The following CKM variants were observed in gnomAD, a reference collection of about 807,000 sequenced individuals.
The protein encoded by CKM is creatine kinase M-type.
A neutral mutation model predicts 35.4 loss-of-function variants in CKM; 28 were observed. The observed-to-expected ratio is 0.79, with a 90% confidence interval of 0.59 to 1.08. The LOEUF is 1.08. CKM is among the 50% of genes least tolerant of loss of function. CKM has a pLI of 0.00. For missense variants in CKM, 484 were observed against 509.8 expected (o/e 0.95, Z 0.49); for synonymous variants, 215 against 204.4 (o/e 1.05, Z -0.44).
chr19:45,316,180 A>C (rs1971156220), intron 3 of CKM, among the ~76,000 whole-genome samples: 1 of 151,874 alleles, frequency 6.6e-6, no homozygotes, highest in South Asian at 2.1e-4. Context: ...AAATACAAAA[A>C]TTAGCTGGGC....
chr19:45,308,581 A>G (rs752484737), intron 5 of CKM, 49 bp from the exon 6 acceptor site: 6 of 1,609,540 alleles, frequency 3.7e-6, no homozygotes, highest in Non-Finnish European at 4.2e-6. Flanking sequence ...CCCCGTGGGA[A>G]CCCCATTCCC....
chr19:45,313,878 T>C (rs1971132463), intron 4 of CKM, among the ~76,000 whole-genome samples: 1 of 151,736 alleles, frequency 6.6e-6, no homozygotes, highest in African/African-American at 2.4e-5. Context: ...CTATTACTGC[T>C]GGCCAGGCAC....
In CKM at chr19:45,311,972, G is replaced by A. The variant is rs553535049; in HGVS notation, c.482-52C>T. ...AGCAGCCTGTCCCACCTCAACCAGG[G>A]TGTGGAGGCCCAGGGTTTCCCCTGC... On this transcript the variant is annotated intron_variant, in intron 4 of 7. Coordinates refer to ENST00000221476, the MANE Select transcript of CKM (RefSeq NM_001824.5). 3.6e-4 allele frequency: 575 copies of A among 1,603,576 alleles called. 10 individuals carry two copies. In the South Asian group the frequency reaches 5.9e-3, roughly 16 times the overall value.
At position 45,306,616 on chromosome 19, in the gene CKM, T is replaced by C; in HGVS notation, c.*134A>G. The C allele has an allele frequency of 3.4e-6, 3 of 882,450 alleles. No homozygotes were observed. The highest frequency in any genetic ancestry group is 3.8e-5 in the Admixed American group (2 of 51,990). 54.7% of individuals were successfully genotyped at this position (882,450 alleles called of 1,614,324 possible). A position where few individuals can be genotyped will look rare whatever the true frequency, so the allele number is the denominator to read the frequency against. ...GGAACTCTGGTTGAAACTGGAACTC[T>C]GAGAAGGGTGGAGAGAGCCCCCAGG... is the stretch of plus-strand genomic sequence containing the variant. On this transcript the variant is annotated 3_prime_UTR_variant, in exon 8 of 8. Transcript: ENST00000221476. The surrounding 1 kb of genome is among the most constrained non-coding windows in gnomAD (Gnocchi z 4.5).
At position 45,322,837 on chromosome 19, in the gene CKM, G is replaced by T; in HGVS notation, c.-35C>A. ...GTGCAGTACCTGGCTGGGCTGGGCT[G>T]AAGGGGGGCTGTCTGTATCCTGGAG... On this transcript the variant is annotated 5_prime_UTR_variant, in exon 1 of 8. Transcript: ENST00000221476. 2.0e-6 allele frequency: 2 copies of T among 986,136 alleles called. No individual in the cohort carries two copies. Among genetic ancestry groups the T allele is most frequent in the Non-Finnish European group, 2.4e-6 (2 of 830,530 alleles). The allele number at this position is 986,136 out of a possible 1,614,324, so 61.1% of individuals were successfully genotyped here. A position where few individuals can be genotyped will look rare whatever the true frequency, so the allele number is the denominator to read the frequency against.
chr19:45,321,517 C>T (rs1310866640), intron 1 of CKM, among the ~76,000 whole-genome samples: 2 of 152,128 alleles, frequency 1.3e-5, no homozygotes, highest in Non-Finnish European at 2.9e-5. Flanking sequence ...GAGCCTGCCC[C>T]GTAGGATTGC....
chr19:45,313,852 A>G (rs1323000269), intron 4 of CKM, among the ~76,000 whole-genome samples: 1 of 152,036 alleles, frequency 6.6e-6, no homozygotes, highest in African/African-American at 2.4e-5. Flanking sequence ...ATCTCAAAAA[A>G]GAGATTCTTT....
intron 5 of CKM, among the ~76,000 whole-genome samples, chr19:45,310,937 ATTTTTT>A (rs71173145): frequency 7.7e-6 from 1 of 129,810 alleles, no homozygotes; most frequent in Non-Finnish European, 1.6e-5. Context: ...CGCCGGGCTA[ATTTTTT>A]TTTTTTTTTT....
intron 2 of CKM, among the ~76,000 whole-genome samples, chr19:45,318,422 AAAAG>A (rs1971180099): frequency 6.6e-6 from 1 of 151,666 alleles, no homozygotes; most frequent in Non-Finnish European, 1.5e-5. Flanking sequence ...GAAAAAAAAA[AAAAG>A]AGAGAACACT....
At chr19:45,308,373 G>T in intron 6 of CKM, 36 bp downstream of exon 6, 2 of 1,613,692 alleles carry the variant, frequency 1.2e-6, no homozygotes, top group South Asian at 2.2e-5. Context: ...CGTTCAAGGT[G>T]GAGTCAGAAG....
chr19:45,307,726 G>T, intron 6 of CKM, 76 bp from the exon 7 acceptor site: 1 of 1,234,764 alleles, frequency 8.1e-7, no homozygotes, highest in Non-Finnish European at 1.2e-6. Context: ...GACAGGGTCC[G>T]GAGGGACAGG....
At position 45,315,342 on chromosome 19, in the gene CKM, C is replaced by T. The variant is rs1451706497; in HGVS notation, c.481+123G>A. 20 of 1,135,478 alleles carry T rather than the reference C, an allele frequency of 1.8e-5. No homozygotes were observed. The East Asian group carries it at 2.3e-4, about 13-fold the overall frequency. The allele number at this position is 1,135,478 out of a possible 1,614,324, so 70.3% of individuals were successfully genotyped here. A position where few individuals can be genotyped will look rare whatever the true frequency, so the allele number is the denominator to read the frequency against. On this transcript the variant is annotated intron_variant, in intron 4 of 7. Transcript: ENST00000221476. ...GCCCGCGCCATTCCCCAAGCCCCCACGATTTACCAAGCTCTTCCCCTACTT... is the reference window on the plus strand; with the variant it reads ...GCCCGCGCCATTCCCCAAGCCCCCATGATTTACCAAGCTCTTCCCCTACTT...
chr19:45,322,194 G>C (rs1971219427), intron 1 of CKM, among the ~76,000 whole-genome samples: 2 of 151,656 alleles, frequency 1.3e-5, no homozygotes, highest in Non-Finnish European at 2.9e-5. Context: ...CCCAGGAGAG[G>C]GCACTGAGGC....
chr19:45,319,633 G>A lies in CKM; in HGVS notation c.81C>T (p.Asn27=), dbSNP rs1471374770. ...GGGTCAGTACCTTGGCCATGTGGTT[G>A]TTATGTTTGCTGAGGTCGGGGTACT... ...EEEYPDLSKH[N]NHMAKVLTLE... The change falls in exon 2 of 8, where the codon AAC becomes AAT. Residue 27 remains asparagine (N), a synonymous_variant. Transcript: ENST00000221476. The A allele has an allele frequency of 3.1e-6, 5 of 1,614,178 alleles. No homozygotes were observed. The highest frequency in any genetic ancestry group is 1.3e-5 in the African/African-American group (1 of 75,036).
intron 1 of CKM, among the ~76,000 whole-genome samples, 196 bp downstream of exon 1, chr19:45,322,625 G>T (rs185347762): frequency 6.6e-6 from 1 of 152,170 alleles, no homozygotes; most frequent in Non-Finnish European, 1.5e-5. Flanking sequence ...CCCAGTGGGG[G>T]GTTCAGGCAG....
At chr19:45,309,823 A>T (rs370658736) in intron 5 of CKM, among the ~76,000 whole-genome samples, 18 of 152,188 alleles carry the variant, frequency 1.2e-4, no homozygotes, top group African/African-American at 3.9e-4. Context: ...AGATCAACCC[A>T]CTGCACTCCA....
chr19:45,311,911 CTGT>C lies in CKM; in HGVS notation c.488_490del (p.Asn163del). 6.2e-7 allele frequency: 1 copy of C among 1,613,958 alleles called. No individual in the cohort carries two copies. The highest frequency in any genetic ancestry group is 8.5e-7 in the Non-Finnish European group (1 of 1,179,948). On this transcript the variant is annotated inframe_deletion, in exon 5 of 8. Coordinates refer to ENST00000221476, the MANE Select transcript of CKM (RefSeq NM_001824.5). ...CTTCCCTTTGAACTCGCCCGTCAGG[CTGT>C]TGAGAGCTATGGGGACACACGAGGG...
At chr19:45,316,827 T>C (rs1342403468) in intron 3 of CKM, among the ~76,000 whole-genome samples, 1 of 151,600 alleles carries the variant, frequency 6.6e-6, no homozygotes, top group African/African-American at 2.4e-5. Flanking sequence ...GCTAGGATTA[T>C]AGGTGAACAC....
intron 1 of CKM, 88 bp from the exon 2 acceptor site, chr19:45,319,819 C>CT (rs1029947422): frequency 1.8e-6 from 2 of 1,113,570 alleles, no homozygotes; most frequent in African/African-American, 3.2e-5. Context: ...GAGACGGAGT[C>CT]TCGCTCTGTC....
Sources: allele counts gnomAD v4.1 joint callset (sites outside exome capture counted in the v4.1 genomes callset), GRCh38; gene constraint gnomAD v4.1.1; non-coding constraint Gnocchi (gnomAD v3.1); transcripts MANE v1.5; gene names NCBI Gene and HGNC (gene_info 2026-07-23, HGNC 2026-07-21).